The following FBXW8 variants were observed in gnomAD, a reference collection of about 807,000 sequenced individuals.
The protein encoded by FBXW8 is F-box/WD repeat-containing protein 8.
In FBXW8, 57 loss-of-function variants were observed where a neutral mutation model predicts 65.3. That is an observed-to-expected ratio of 0.87 (90% CI 0.71 to 1.09). The LOEUF (loss-of-function observed/expected upper bound fraction) is 1.09. FBXW8 is among the 50% of genes least tolerant of loss of function. FBXW8 has a pLI of 0.00. For missense variants in FBXW8, 777 were observed against 814.8 expected, an observed-to-expected ratio of 0.95 and a Z score of 0.57; for synonymous variants, 308 against 330.2, an observed-to-expected ratio of 0.93 and a Z score of 0.73.
At chr12:116,998,300 C>T (rs564991529) in intron 7 of FBXW8, among the ~76,000 whole-genome samples, 4 of 152,340 alleles carry the variant, frequency 2.6e-5, no homozygotes, top group African/African-American at 9.6e-5. Context: ...TCTTTATTCA[C>T]ACTTGCCTAG....
At chr12:116,976,039 G>T (rs1884907632) in intron 5 of FBXW8, among the ~76,000 whole-genome samples, 1 of 152,166 alleles carries the variant, frequency 6.6e-6, no homozygotes, top group Non-Finnish European at 1.5e-5. Context: ...TAACATTTGG[G>T]AAAGCTGGAT....
At chr12:117,004,537 GGA>G (rs1178470314) in intron 7 of FBXW8, among the ~76,000 whole-genome samples, 5 of 152,306 alleles carry the variant, frequency 3.3e-5, no homozygotes, top group African/African-American at 1.2e-4. Context: ...TATTAGGCTT[GGA>G]TTCTTTTAGC....
intron 4 of FBXW8, among the ~76,000 whole-genome samples, chr12:116,963,234 A>G (rs1014836944): frequency 1.3e-5 from 2 of 152,150 alleles, no homozygotes; most frequent in South Asian, 2.1e-4. Flanking sequence ...CAATATATGT[A>G]TTTACTGTAG....
At chr12:116,929,739 C>T (rs1881623731) in intron 2 of FBXW8, among the ~76,000 whole-genome samples, 1 of 152,140 alleles carries the variant, frequency 6.6e-6, no homozygotes, top group Admixed American at 6.5e-5. Flanking sequence ...TTCAAGTATA[C>T]ATCATTAACT....
chr12:116,912,451 CTTTT>C (rs34430069), intron 1 of FBXW8, among the ~76,000 whole-genome samples: 1 of 86,480 alleles, frequency 1.2e-5, no homozygotes, highest in Admixed American at 1.5e-4. Flanking sequence ...GAGAATCATT[CTTTT>C]TTTTTTTTTT....
intron 8 of FBXW8, among the ~76,000 whole-genome samples, chr12:117,020,704 AGT>A (rs1205875837): frequency 2.0e-5 from 3 of 152,168 alleles, no homozygotes; most frequent in African/African-American, 2.4e-5. Flanking sequence ...GTGGCCCTTC[AGT>A]GTGTTTGATG....
At chr12:116,958,635 A>C (rs1285553335) in intron 4 of FBXW8, among the ~76,000 whole-genome samples, 1 of 152,182 alleles carries the variant, frequency 6.6e-6, no homozygotes, top group African/African-American at 2.4e-5. Flanking sequence ...GGGAGGTGTT[A>C]GGGTTGGGGA....
intron 1 of FBXW8, 29 bp downstream of exon 1, chr12:116,911,384 A>G: frequency 1.2e-6 from 1 of 802,682 alleles, no homozygotes; most frequent in East Asian, 1.0e-4. Flanking sequence ...CCCCCCGCCC[A>G]TGCCTGCGCC....
chr12:116,966,668 C>T (rs1884345543), intron 5 of FBXW8, among the ~76,000 whole-genome samples: 1 of 152,120 alleles, frequency 6.6e-6, no homozygotes, highest in Non-Finnish European at 1.5e-5. Context: ...GCCCTCATCC[C>T]CTGTTGTTGC....
chr12:117,027,287 GC>G (rs1044734041), intron 9 of FBXW8, 106 bp from the exon 10 acceptor site: 1 of 823,900 alleles, frequency 1.2e-6, no homozygotes, highest in Non-Finnish European at 2.0e-6. Flanking sequence ...GAGAAGCTTA[GC>G]TTTATGGGTT....
intron 4 of FBXW8, among the ~76,000 whole-genome samples, chr12:116,958,979 C>T (rs1224592740): frequency 1.3e-5 from 2 of 152,198 alleles, no homozygotes; most frequent in Non-Finnish European, 2.9e-5. Flanking sequence ...AGCCTCATAA[C>T]AGGGCCCCTC....
Position 116,911,124 on chromosome 12 carries a change from C to T in FBXW8, c.87C>T (p.Pro29=). The change falls in exon 1 of 11, where the codon CCC becomes CCT. Residue 29 remains proline, a synonymous_variant. Coordinates refer to ENST00000652555, the MANE Select transcript of FBXW8 (RefSeq NM_153348.3). ...QAQAPKKRRR[P]EAAERRARRP... is the part of the protein sequence containing the mutation. ...AGGCGCCGAAGAAGCGGCGACGGCC[C>T]GAGGCTGCCGAGAGGCGGGCTCGGC... 1 of 1,376,416 alleles carries T rather than the reference C, an allele frequency of 7.3e-7. No homozygotes were observed. The highest frequency in any genetic ancestry group is 1.7e-5 in the South Asian group (1 of 57,612). 85.3% of individuals were successfully genotyped at this position (1,376,416 alleles called of 1,614,324 possible). A position where few individuals can be genotyped will look rare whatever the true frequency, so the allele number is the denominator to read the frequency against.
At chr12:117,012,174 A>G (rs563631204) in intron 8 of FBXW8, among the ~76,000 whole-genome samples, 26 of 148,020 alleles carry the variant, frequency 1.8e-4, no homozygotes, top group African/African-American at 6.8e-4. Context: ...AAGCTGCCTC[A>G]TTATGTACGC....
intron 7 of FBXW8, among the ~76,000 whole-genome samples, chr12:116,990,180 C>A (rs116654669): frequency 2.0e-5 from 3 of 152,166 alleles, no homozygotes; most frequent in Non-Finnish European, 4.4e-5. Context: ...ATAGACTAAG[C>A]GGTAGACGAT....
rs929940709 is a variant in FBXW8 at position 116,985,549 on chromosome 12, ATAGG to A, written c.1032+151_1032+154del. 32 of 738,764 alleles carry A rather than the reference ATAGG, an allele frequency of 4.3e-5. No individual in the cohort carries two copies. The African/African-American group carries it at 5.1e-4, about 12-fold the overall frequency. The allele number at this position is 738,764 out of a possible 1,614,324, so 45.8% of individuals were successfully genotyped here. ...ATAAGTCTAACTACAGCCTTACAAA[ATAGG>A]TAGTAGCATTTTCCCCATTTACCAA... On this transcript the variant is annotated intron_variant, in intron 6 of 10. Coordinates refer to ENST00000652555, the MANE Select transcript of FBXW8 (RefSeq NM_153348.3).
At position 117,027,433 on chromosome 12, in the gene FBXW8, C is replaced by T. The variant is rs1246538174; in HGVS notation, c.1581C>T (p.Leu527=). Residue 527 remains leucine (L), a synonymous_variant, in exon 10 of 11, where the codon CTC becomes CTT. Coordinates refer to ENST00000652555, the MANE Select transcript of FBXW8 (RefSeq NM_153348.3). The part of the protein sequence containing the change: ...VQHISFSSHS[L]ITANVPYQTV... ...ACATCTCATTCAGCAGCCACAGCCT[C>T]ATCACGGCCAACGTGCCTTACCAGA... 2 of 1,614,072 alleles carry T rather than the reference C, an allele frequency of 1.2e-6. No homozygotes were observed. Among genetic ancestry groups the T allele is most frequent in the Admixed American group, 3.3e-5 (2 of 60,010 alleles).
chr12:116,916,826 C>T (rs370843691), intron 1 of FBXW8, among the ~76,000 whole-genome samples: 88 of 152,114 alleles, frequency 5.8e-4, no homozygotes, highest in African/African-American at 1.9e-3. Context: ...TGAGCTCACT[C>T]GTGTGTCTGA....
chr12:116,942,351 A>G (rs560826858), intron 2 of FBXW8, among the ~76,000 whole-genome samples: 3 of 148,538 alleles, frequency 2.0e-5, no homozygotes, highest in African/African-American at 4.9e-5. Context: ...GATAATCTCA[A>G]TTGACTTGCT....
intron 5 of FBXW8, among the ~76,000 whole-genome samples, chr12:116,965,528 G>A (rs899320716): frequency 3.3e-5 from 5 of 151,950 alleles, no homozygotes; most frequent in Middle Eastern, 3.2e-3. Flanking sequence ...CCTATCCTCC[G>A]TTATGTTGTG....
Sources: gnomAD v4.1 joint callset for allele counts (sites outside exome capture counted in the v4.1 genomes callset) on GRCh38, gnomAD v4.1.1 for gene constraint, MANE v1.5 for transcripts, NCBI Gene and HGNC (gene_info 2026-07-23, HGNC 2026-07-21) for gene names.